PCBP3: variants seen among roughly 807,000 people sequenced by gnomAD.
PCBP3 encodes poly(rC)-binding protein 3.
Under a neutral mutation model 52.7 loss-of-function variants are expected in PCBP3, and 25 were observed. The ratio of observed to expected loss-of-function variants is 0.47; its 90% confidence interval spans 0.35 to 0.66. The LOEUF (loss-of-function observed/expected upper bound fraction) is 0.66. Among genes scored for constraint, PCBP3 ranks in the 30% least tolerant of loss-of-function variants. The pLI, the probability that PCBP3 is intolerant of heterozygous loss-of-function variation, is 0.01. For synonymous variants in PCBP3, 162 were observed against 183.0 expected, an observed-to-expected ratio of 0.89 and a Z score of 0.93; for missense variants, 391 against 490.3, an observed-to-expected ratio of 0.80 and a Z score of 1.91.
chr21:45,646,574 C>T (rs574916079), intron 1 of PCBP3, among the ~76,000 whole-genome samples: 8 of 152,290 alleles, frequency 5.3e-5, no homozygotes, highest in Admixed American at 3.9e-4. Context: ...GGGCCAAAGC[C>T]ACCAGCTCCA....
intron 4 of PCBP3, among the ~76,000 whole-genome samples, chr21:45,773,360 CT>C (rs1303702881): frequency 3.1e-4 from 47 of 152,134 alleles, no homozygotes; most frequent in African/African-American, 1.1e-3. Flanking sequence ...CTGCATGTGG[CT>C]ATCCAATTTT....
intron 4 of PCBP3, among the ~76,000 whole-genome samples, chr21:45,832,339 T>C (rs116302900): frequency 0.019 from 2,901 of 152,302 alleles, 91 homozygotes; most frequent in African/African-American, 0.066. Flanking sequence ...ACCTGTTTTA[T>C]CAGCAGGGTC....
intron 2 of PCBP3, among the ~76,000 whole-genome samples, chr21:45,700,816 T>G (rs936528625): frequency 1.3e-5 from 2 of 152,198 alleles, no homozygotes; most frequent in African/African-American, 4.8e-5. Context: ...AGAGAGCTGC[T>G]GTGGCTCCAG....
chr21:45,710,887 G>A (rs1367840798), intron 2 of PCBP3, among the ~76,000 whole-genome samples: 1 of 152,186 alleles, frequency 6.6e-6, no homozygotes, highest in Non-Finnish European at 1.5e-5. Flanking sequence ...TGGGTTTATA[G>A]TTCCATGTTG....
intron 4 of PCBP3, among the ~76,000 whole-genome samples, chr21:45,784,821 C>T (rs2090978174): frequency 6.6e-6 from 1 of 152,202 alleles, no homozygotes; most frequent in Non-Finnish European, 1.5e-5. Flanking sequence ...CAACATCCAC[C>T]TCCCAGCAGC....
intron 9 of PCBP3, among the ~76,000 whole-genome samples, chr21:45,901,744 A>AGAGACAGAGAGATGAGAG (rs1569474835): frequency 1.2e-5 from 1 of 86,760 alleles, no homozygotes; most frequent in Non-Finnish European, 2.3e-5. Flanking sequence ...GAGAGACAGA[A>AGAGACAGAGAGATGAGAG]AGAGAGAGAG....
At chr21:45,799,994 G>A (rs540513557) in intron 4 of PCBP3, among the ~76,000 whole-genome samples, 29 of 152,278 alleles carry the variant, frequency 1.9e-4, no homozygotes, top group African/African-American at 6.5e-4. Flanking sequence ...GACAGCTGTC[G>A]GGGAGGGTCC....
rs191931380 is a variant in PCBP3 at position 45,914,035 on chromosome 21, G to C, written c.675+10G>C. 3.1e-6 allele frequency: 5 copies of C among 1,613,288 alleles called. No individual in the cohort carries two copies. The Admixed American group carries it at 6.7e-5, about 22-fold the overall frequency. On this transcript the variant is annotated intron_variant, in intron 12 of 17. Transcript: ENST00000681687. Reference sequence around the variant, plus strand: ...TTTTGCAGGTGGTCAGGTAAGAGCCGATCCGCTCGCGGCCTCCACTGCCAA... The same window carrying C: ...TTTTGCAGGTGGTCAGGTAAGAGCCCATCCGCTCGCGGCCTCCACTGCCAA...
In PCBP3 at chr21:45,721,016, C is replaced by G. The variant is rs917220485; in HGVS notation, c.-199-14376C>G. On this transcript the variant is annotated intron_variant, in intron 2 of 17. Coordinates refer to ENST00000681687, the MANE Select transcript of PCBP3 (RefSeq NM_001384156.1). ...TGCTGCCCCAGATGTTTGAAGGTACCTTGCTTTCTGGTCAGAACATTCTGT... is the reference window on the plus strand; with the variant it reads ...TGCTGCCCCAGATGTTTGAAGGTACGTTGCTTTCTGGTCAGAACATTCTGT... 6.6e-5 allele frequency among the ~76,000 whole-genome samples: 10 copies of G among 152,244 alleles called. 1 individual carries two copies. The South Asian group carries it at 2.1e-3, about 31-fold the overall frequency.
intron 10 of PCBP3, among the ~76,000 whole-genome samples, chr21:45,910,197 G>T (rs1463907470): frequency 2.9e-4 from 5 of 16,972 alleles, no homozygotes; most frequent in African/African-American, 5.5e-4. Context: ...CCCACCCACT[G>T]CCCAGATACG....
chr21:45,831,488 C>CAT (rs1305359085), intron 4 of PCBP3, among the ~76,000 whole-genome samples: 1 of 150,864 alleles, frequency 6.6e-6, no homozygotes, highest in Non-Finnish European at 1.5e-5. Flanking sequence ...ATTTGATGTG[C>CAT]ATATAGATGG....
chr21:45,794,930 A>G (rs1823815684), intron 4 of PCBP3, among the ~76,000 whole-genome samples: 1 of 147,100 alleles, frequency 6.8e-6, no homozygotes. Flanking sequence ...CTCTGTCTCA[A>G]AAAAAAAAAA....
chr21:45,934,638 G>A (rs1300928349), intron 15 of PCBP3, among the ~76,000 whole-genome samples: 1 of 152,238 alleles, frequency 6.6e-6, no homozygotes, highest in East Asian at 1.9e-4. Context: ...GGCCTGAGCT[G>A]TCTGAGCCAG....
chr21:45,910,701 C>T (rs2096370253), intron 10 of PCBP3, among the ~76,000 whole-genome samples: 1 of 152,136 alleles, frequency 6.6e-6, no homozygotes, highest in Non-Finnish European at 1.5e-5. Context: ...CGAGGGAAGG[C>T]ACAGGGCCGG....
At chr21:45,752,051 G>A (rs760443759) in intron 3 of PCBP3, among the ~76,000 whole-genome samples, 1 of 151,864 alleles carries the variant, frequency 6.6e-6, no homozygotes, top group Non-Finnish European at 1.5e-5. Flanking sequence ...GGAATATGCT[G>A]CAAATATTTT....
intron 2 of PCBP3, among the ~76,000 whole-genome samples, chr21:45,674,569 CTAAT>C (rs777880008): frequency 1.3e-5 from 2 of 152,136 alleles, no homozygotes; most frequent in Admixed American, 1.3e-4. Context: ...CATTAATTAT[CTAAT>C]TAATTAAACA....
chr21:45,812,856 T>C (rs2092720667), intron 4 of PCBP3, among the ~76,000 whole-genome samples: 3 of 152,248 alleles, frequency 2.0e-5, no homozygotes, highest in African/African-American at 7.2e-5. Context: ...TGTCATTCCT[T>C]TGCCTCTGGC....
rs1379675636 is a variant in PCBP3, at chr21:45,852,200, G to A, written c.10+2105G>A. ...TATACGTGTATTGCAACATCATACT[G>A]TATCCTGTAAATATGTACAACTATT... On this transcript the variant is annotated intron_variant, in intron 5 of 17. Transcript: ENST00000681687. Among the ~76,000 whole-genome samples, 4 of 152,342 alleles carry A rather than the reference G, an allele frequency of 2.6e-5. No homozygotes were observed. The South Asian group carries it at 8.3e-4, about 32-fold the overall frequency.
At chr21:45,896,155 GT>G (rs2095820974) in intron 5 of PCBP3, 52 bp from the exon 6 acceptor site, 1 of 1,523,950 alleles carries the variant, frequency 6.6e-7, no homozygotes, top group South Asian at 1.2e-5. Flanking sequence ...ACCCCTGGAT[GT>G]GCGTGGTCCG....
Sources: gnomAD v4.1 joint callset for allele counts (sites outside exome capture counted in the v4.1 genomes callset) on GRCh38, gnomAD v4.1.1 for gene constraint, MANE v1.5 for transcripts, NCBI Gene and HGNC (gene_info 2026-07-23, HGNC 2026-07-21) for gene names.